RGMB: variants seen among roughly 807,000 people sequenced by gnomAD.
RGMB encodes the protein repulsive guidance molecule BMP co-receptor b.
Under a neutral mutation model 26.9 loss-of-function variants are expected in RGMB, and 16 were observed. The observed-to-expected ratio is 0.60, with a 90% CI of 0.40 to 0.90. The LOEUF is 0.90. Ranked by LOEUF, RGMB falls within the 40% of genes least tolerant of loss-of-function variation. The pLI, the probability that RGMB is intolerant of heterozygous loss-of-function variation, is 0.00. For synonymous variants in RGMB, 225 were observed against 229.3 expected (o/e 0.98, Z 0.17); for missense variants, 512 against 573.3 (o/e 0.89, Z 1.09).
intron 2 of RGMB, 42 bp downstream of exon 2, chr5:98,780,130 A>C (rs767065641): frequency 7.1e-6 from 11 of 1,550,192 alleles, no homozygotes; most frequent in Non-Finnish European, 8.7e-6. Context: ...CTCAACTTTC[A>C]AAAGATGTTT....
rs1385405863 is a variant in RGMB, at chr5:98,795,812, A to G, written c.*2059A>G. 2 of 152,192 alleles carry G rather than the reference A, an allele frequency of 1.3e-5. No individual in the cohort carries two copies. The highest frequency in any genetic ancestry group is 1.3e-4 in the Admixed American group (2 of 15,284). 9.4% of individuals were successfully genotyped at this position (152,192 alleles called of 1,614,324 possible). On this transcript the variant is annotated 3_prime_UTR_variant, in exon 3 of 3. Transcript: ENST00000513185. ...TTTTTGTGCAAATAATATGAAAGTG[A>G]AGTAAAAGCAATAGAAGAAATTTCT... is the stretch of plus-strand genomic sequence containing the variant.
At chr5:98,780,382 T>C (rs1746559088) in intron 2 of RGMB, 1 of 303,534 alleles carries the variant, frequency 3.3e-6, no homozygotes, top group Admixed American at 4.7e-5. Flanking sequence ...GGATGCTTTT[T>C]TCAGTGATGT....
chr5:98,781,023 C>T (rs920555409), intron 2 of RGMB: 2 of 152,300 alleles, frequency 1.3e-5, no homozygotes, highest in African/African-American at 4.8e-5. Context: ...TTATTTCTTG[C>T]ATTTATTGTA....
chr5:98,776,912 C>T (rs1746431784), intron 1 of RGMB, among the ~76,000 whole-genome samples: 1 of 152,094 alleles, frequency 6.6e-6, no homozygotes, highest in Non-Finnish European at 1.5e-5. Context: ...CATGGAGAAA[C>T]CCTGTCTCTA....
rs1471041965 is a variant in RGMB, at chr5:98,793,400, C to T, written c.961C>T (p.Arg321Cys). The T allele has an allele frequency of 1.4e-5, 22 of 1,612,972 alleles. No individual in the cohort carries two copies. Among genetic ancestry groups the T allele is most frequent in the African/African-American group, 2.7e-5 (2 of 74,920 alleles). Residue 321 changes from arginine (R) to cysteine (C), a missense_variant, in exon 3 of 3, where the codon CGC becomes TGC. Arg to Cys is a radical substitution (Grantham distance 180, BLOSUM62 -3). Coordinates refer to ENST00000513185, the MANE Select transcript of RGMB (RefSeq NM_001366508.1). ...CGTGAACGGCTGCCCCCTGAGTGAA[C>T]GCATCGATGACGGGCAGGGCCAGGT... ...LCVNGCPLSE[R>C]IDDGQGQVSA... is the part of the protein sequence containing the mutation.
At chr5:98,783,759 A>T (rs1160279203) in intron 2 of RGMB, among the ~76,000 whole-genome samples, 1 of 152,264 alleles carries the variant, frequency 6.6e-6, no homozygotes, top group African/African-American at 2.4e-5. Flanking sequence ...TAAAATTGCC[A>T]GTCTCCAGGG....
intron 2 of RGMB, among the ~76,000 whole-genome samples, chr5:98,790,697 A>G (rs1217744543): frequency 2.6e-5 from 4 of 152,240 alleles, no homozygotes; most frequent in African/African-American, 9.6e-5. Context: ...TTGTTGGCCC[A>G]ACACAAGTAA....
At position 98,795,784 on chromosome 5, in the gene RGMB, C is replaced by G. The variant is rs565621000; in HGVS notation, c.*2031C>G. On this transcript the variant is annotated 3_prime_UTR_variant, in exon 3 of 3. Coordinates refer to ENST00000513185, the MANE Select transcript of RGMB (RefSeq NM_001366508.1). Reference sequence around the variant, plus strand: ...GAGGAAAAAATACGGAGGATAACCACTATTTTTGTGCAAATAATATGAAAG... The same window carrying G: ...GAGGAAAAAATACGGAGGATAACCAGTATTTTTGTGCAAATAATATGAAAG... 6.6e-6 allele frequency: 1 copy of G among 152,250 alleles called. No individual in the cohort carries two copies. Among genetic ancestry groups the G allele is most frequent in the South Asian group, 2.1e-4 (1 of 4,828 alleles). The allele number at this position is 152,250 out of a possible 1,614,324, so 9.4% of individuals were successfully genotyped here. A position where few individuals can be genotyped will look rare whatever the true frequency, so the allele number is the denominator to read the frequency against.
intron 2 of RGMB, among the ~76,000 whole-genome samples, chr5:98,791,492 G>C (rs1178399964): frequency 2.0e-5 from 3 of 152,076 alleles, no homozygotes; most frequent in Non-Finnish European, 1.5e-5. Context: ...TGGGCAGGCG[G>C]GGGGAGGGGG....
intron 1 of RGMB, among the ~76,000 whole-genome samples, chr5:98,776,021 G>A (rs905100328): frequency 6.6e-6 from 1 of 152,188 alleles, no homozygotes; most frequent in Non-Finnish European, 1.5e-5. Flanking sequence ...CTTATCATCT[G>A]CCTCAGCACC....
chr5:98,774,443 C>T (rs1210860271), intron 1 of RGMB, among the ~76,000 whole-genome samples: 1 of 152,298 alleles, frequency 6.6e-6, no homozygotes, highest in South Asian at 2.1e-4. Flanking sequence ...GCCTTCGGCT[C>T]GGACCGCTGA....
intron 2 of RGMB, among the ~76,000 whole-genome samples, chr5:98,790,326 G>C (rs998552672): frequency 6.6e-6 from 1 of 152,142 alleles, no homozygotes. Flanking sequence ...CTCTGTGTGA[G>C]AATTACCTTG....
Position 98,793,902 on chromosome 5 carries a change from T to C in RGMB, c.*149T>C, listed in dbSNP as rs1247262425. ...CCTGGGACACCCACCAGATTGTACATACTGTGTTTGGCTGTTTTCACATAT... is the reference window on the plus strand; with the variant it reads ...CCTGGGACACCCACCAGATTGTACACACTGTGTTTGGCTGTTTTCACATAT... On this transcript the variant is annotated 3_prime_UTR_variant, in exon 3 of 3. Transcript: ENST00000513185. 1.6e-6 allele frequency: 1 copy of C among 631,444 alleles called. No homozygotes were observed. The highest frequency in any genetic ancestry group is 1.8e-5 in the African/African-American group (1 of 54,750). 39.1% of individuals were successfully genotyped at this position (631,444 alleles called of 1,614,324 possible). A position where few individuals can be genotyped will look rare whatever the true frequency, so the allele number is the denominator to read the frequency against.
chr5:98,781,052 GT>G (rs1746586821), intron 2 of RGMB: 1 of 152,170 alleles, frequency 6.6e-6, no homozygotes, highest in Non-Finnish European at 1.5e-5. Flanking sequence ...AATTGGTTTA[GT>G]TTTTTAATGT....
Position 98,773,901 on chromosome 5 carries a change from G to T in RGMB, c.-170G>T. 1 of 528,212 alleles carries T rather than the reference G, an allele frequency of 1.9e-6. No homozygotes were observed. Among genetic ancestry groups the T allele is most frequent in the Non-Finnish European group, 3.3e-6 (1 of 301,382 alleles). The allele number at this position is 528,212 out of a possible 1,614,324, so 32.7% of individuals were successfully genotyped here. On this transcript the variant is annotated 5_prime_UTR_variant, in exon 1 of 3. Transcript: ENST00000513185. ...GCCGCGGACTGGCTGCGCCGGCTGC[G>T]CGCTGCTTGCTGCGGCGGTGGTGGC... is the stretch of plus-strand genomic sequence containing the variant.
intron 2 of RGMB, among the ~76,000 whole-genome samples, chr5:98,782,183 C>T (rs980417137): frequency 4.6e-5 from 7 of 152,196 alleles, no homozygotes; most frequent in African/African-American, 1.7e-4. Context: ...TCCCCCTTCT[C>T]TTTGTAACTC....
chr5:98,777,421 A>G (rs978552843), intron 1 of RGMB, among the ~76,000 whole-genome samples: 2 of 152,196 alleles, frequency 1.3e-5, no homozygotes, highest in African/African-American at 4.8e-5. Flanking sequence ...TTAAAAGAAA[A>G]AAAATGCAAT....
At chr5:98,774,351 T>C (rs1021974350) in intron 1 of RGMB, 145 bp downstream of exon 1, 35 of 865,776 alleles carry the variant, frequency 4.0e-5, no homozygotes, top group Non-Finnish European at 5.6e-5. Context: ...CACGCACCTC[T>C]GTCGGGCTCC....
At chr5:98,769,265 GGGGGGAGAGGA>G (rs912073760), upstream of RGMB, 6 of 152,182 alleles carry the variant, frequency 3.9e-5, no homozygotes, top group African/African-American at 1.4e-4. Context: ...AGGGGTTGCC[GGGGGGAGAGGA>G]GGGTCTCTGT....
Sources: gnomAD v4.1 joint callset for allele counts (sites outside exome capture counted in the v4.1 genomes callset) on GRCh38, gnomAD v4.1.1 for gene constraint, MANE v1.5 for transcripts, NCBI Gene and HGNC (gene_info 2026-07-23, HGNC 2026-07-21) for gene names.